CYB5D1: variants seen among roughly 807,000 people sequenced by gnomAD.
CYB5D1 encodes the protein cytochrome b5 domain-containing protein 1.
In CYB5D1, 30 loss-of-function variants were observed where a neutral mutation model predicts 24.3. The observed-to-expected ratio is 1.23, with a 90% CI of 0.92 to 1.67. The LOEUF is 1.67. CYB5D1 is among the 40% of genes most tolerant of loss of function. The pLI is 0.00. For synonymous variants in CYB5D1, 128 were observed against 123.2 expected, an observed-to-expected ratio of 1.04 and a Z score of -0.26; for missense variants, 265 against 296.7, an observed-to-expected ratio of 0.89 and a Z score of 0.79.
In CYB5D1 at chr17:7,859,871, G is replaced by T; in HGVS notation, c.*259G>T. 2.1e-6 allele frequency: 1 copy of T among 485,422 alleles called. No homozygotes were observed. Among genetic ancestry groups the T allele is most frequent in the Non-Finnish European group, 3.7e-6 (1 of 267,792 alleles). The allele number at this position is 485,422 out of a possible 1,614,324, so 30.1% of individuals were successfully genotyped here. A position where few individuals can be genotyped will look rare whatever the true frequency, so the allele number is the denominator to read the frequency against. ...CTTGGTTTAGGGAGATGTAGAAGAG[G>T]ATAGTCAGAGTTCAGGCAGAACTGT... On this transcript the variant is annotated 3_prime_UTR_variant, in exon 4 of 4. Coordinates refer to ENST00000332439, the MANE Select transcript of CYB5D1 (RefSeq NM_144607.6).
Position 7,858,181 on chromosome 17 carries a change from A to G in CYB5D1, c.47A>G (p.Gln16Arg). 6.2e-7 allele frequency: 1 copy of G among 1,613,844 alleles called. No homozygotes were observed. The highest frequency in any genetic ancestry group is 2.2e-5 in the East Asian group (1 of 44,868). Residue 16 changes from glutamine to arginine, a missense_variant, in exon 1 of 4, where the codon CAG (glutamine) becomes CGG (arginine). Physicochemically the swap from Gln to Arg is conservative, Grantham distance 43. Coordinates refer to ENST00000332439, the MANE Select transcript of CYB5D1 (RefSeq NM_144607.6). Reference protein sequence around the residue: ...LVAGPDLEYFQRRYFTPAEVA... With the variant: ...LVAGPDLEYFRRRYFTPAEVA... ...GCTGGGCCAGACTTGGAGTATTTTCAGCGTCGCTATTTCACGCCGGCGGAG... is the reference window on the plus strand; with the variant it reads ...GCTGGGCCAGACTTGGAGTATTTTCGGCGTCGCTATTTCACGCCGGCGGAG...
In CYB5D1 at chr17:7,858,643, G is replaced by A. The variant is rs772123805; in HGVS notation, c.275G>A (p.Arg92Lys). Residue 92 changes from arginine to lysine, a missense_variant, in exon 3 of 4, where the codon AGG (arginine) becomes AAG (lysine). Transcript: ENST00000332439. ...ATAGATCCGCTGACCGGCTGCCTGAGGTACTGCACCCCGCGGGGCCGCTTT... is the reference window on the plus strand; with the variant it reads ...ATAGATCCGCTGACCGGCTGCCTGAAGTACTGCACCCCGCGGGGCCGCTTT... Reference protein sequence around the residue: ...KHIDPLTGCLRYCTPRGRFVH... With the variant: ...KHIDPLTGCLKYCTPRGRFVH... 3.7e-6 allele frequency: 6 copies of A among 1,606,826 alleles called. No individual in the cohort carries two copies. The highest frequency in any genetic ancestry group is 5.1e-6 in the Non-Finnish European group (6 of 1,175,270).
Position 7,858,617 on chromosome 17 carries a change from C to T in CYB5D1, c.249C>T (p.His83=), listed in dbSNP as rs552115182. The T allele has an allele frequency of 1.1e-5, 17 of 1,605,158 alleles. No individual in the cohort carries two copies. The highest frequency in any genetic ancestry group is 1.7e-4 in the Middle Eastern group (1 of 6,014). ...FDPKTRDIRK[H]IDPLTGCLRY... is the part of the protein sequence containing the mutation. ...ACCCTCCTTTAAAGATCCGCAAGCACATAGATCCGCTGACCGGCTGCCTGA... is the reference window on the plus strand; with the variant it reads ...ACCCTCCTTTAAAGATCCGCAAGCATATAGATCCGCTGACCGGCTGCCTGA... The change falls in exon 3 of 4, where the codon CAC becomes CAT. Residue 83 remains histidine, a synonymous_variant. Transcript: ENST00000332439.
In CYB5D1 at chr17:7,859,474, G is replaced by A; in HGVS notation, c.549G>A (p.Lys183=). Residue 183 remains lysine, a synonymous_variant, in exon 4 of 4, where the codon AAG becomes AAA. Coordinates refer to ENST00000332439, the MANE Select transcript of CYB5D1 (RefSeq NM_144607.6). ...GCTACACGTGGAAATATGAAGGGAA[G>A]AACCTGAACATGGATTTTACCCTGG... ...AASYTWKYEG[K]NLNMDFTLEE... 6.2e-7 allele frequency: 1 copy of A among 1,613,556 alleles called. No individual in the cohort carries two copies. The highest frequency in any genetic ancestry group is 2.2e-5 in the East Asian group (1 of 44,888).
In CYB5D1 at chr17:7,858,290, C is replaced by G. The variant is rs1415620975; in HGVS notation, c.156C>G (p.Tyr52Ter). The G allele has an allele frequency of 6.2e-7, 1 of 1,613,992 alleles. No individual in the cohort carries two copies. Among genetic ancestry groups the G allele is most frequent in the East Asian group, 2.2e-5 (1 of 44,892 alleles). ...VYDLTSLAQE[Y>*]KGNLLLKPIV... ...ACCTAACGTCATTGGCACAGGAATA[C>G]AAGGGTAAGGGCCACACGTTGGGCC... Residue 52 changes from tyrosine to a stop codon, truncating the protein, a stop_gained, in exon 1 of 4, where the codon TAC (tyrosine) becomes TAG (stop). Coordinates refer to ENST00000332439, the MANE Select transcript of CYB5D1 (RefSeq NM_144607.6). LOFTEE classifies it high-confidence loss of function.
intron 3 of CYB5D1, 82 bp from the exon 4 acceptor site, chr17:7,859,300 A>G: frequency 2.6e-6 from 3 of 1,146,904 alleles, no homozygotes; most frequent in Non-Finnish European, 3.8e-6. Context: ...GCTATCTGCC[A>G]AGGGAGGCAC....
rs1312643997 is a variant in CYB5D1 at position 7,861,289 on chromosome 17, G to A, written c.*1677G>A. On this transcript the variant is annotated 3_prime_UTR_variant, in exon 4 of 4. Coordinates refer to ENST00000332439, the MANE Select transcript of CYB5D1 (RefSeq NM_144607.6). ...GTGGGCTATATAGGCATTTTCTGAG[G>A]GGCTTTGGGAGGCATGAACAAAGGT... 2 of 152,290 alleles carry A rather than the reference G, an allele frequency of 1.3e-5. No homozygotes were observed. Among genetic ancestry groups the A allele is most frequent in the East Asian group, 1.9e-4 (1 of 5,176 alleles). 9.4% of individuals were successfully genotyped at this position (152,290 alleles called of 1,614,324 possible). A position where few individuals can be genotyped will look rare whatever the true frequency, so the allele number is the denominator to read the frequency against.
Position 7,858,773 on chromosome 17 carries a change from C to A in CYB5D1, c.405C>A (p.Thr135=). Reference sequence around the variant, plus strand: ...AGGTGGGGCGGCTGTCTGCCAAGACCCGGAGCATCCGCATCATTAACACGC... The same window carrying A: ...AGGTGGGGCGGCTGTCTGCCAAGACACGGAGCATCCGCATCATTAACACGC... The part of the protein sequence containing the change: ...YYEVGRLSAK[T]RSIRIINTLT... The change falls in exon 3 of 4, where the codon ACC becomes ACA. Residue 135 remains threonine (T), a synonymous_variant. Coordinates refer to ENST00000332439, the MANE Select transcript of CYB5D1 (RefSeq NM_144607.6). 1 of 1,584,650 alleles carries A rather than the reference C, an allele frequency of 6.3e-7. No homozygotes were observed.
chr17:7,859,317 C>T (rs117474084), intron 3 of CYB5D1, 65 bp from the exon 4 acceptor site: 2 of 1,341,066 alleles, frequency 1.5e-6, no homozygotes, highest in East Asian at 2.4e-5. Context: ...GCACTTTGAT[C>T]CCAGCGTGTG....
Position 7,861,885 on chromosome 17 carries a change from T to C in CYB5D1, c.*2273T>C, listed in dbSNP as rs1323170676. ...TAAAGTCCTAAATTCAAAGATCTTG[T>C]ATAAATCAGGCTCATCTCGCAACAC... On this transcript the variant is annotated 3_prime_UTR_variant, in exon 4 of 4. Coordinates refer to ENST00000332439, the MANE Select transcript of CYB5D1 (RefSeq NM_144607.6). The C allele has an allele frequency of 6.6e-6, 1 of 152,246 alleles. No individual in the cohort carries two copies. The highest frequency in any genetic ancestry group is 1.9e-4 in the East Asian group (1 of 5,196). 9.4% of individuals were successfully genotyped at this position (152,246 alleles called of 1,614,324 possible). A position where few individuals can be genotyped will look rare whatever the true frequency, so the allele number is the denominator to read the frequency against.
chr17:7,858,152 G>A lies in CYB5D1; in HGVS notation c.18G>A (p.Leu6=), dbSNP rs752656466. MPRRG[L]VAGPDLEYFQ... is the part of the protein sequence containing the mutation. ...CAAGAGCCATGCCGCGCCGGGGCCT[G>A]GTGGCTGGGCCAGACTTGGAGTATT... The change falls in exon 1 of 4, where the codon CTG becomes CTA. Residue 6 remains leucine, a synonymous_variant. Coordinates refer to ENST00000332439, the MANE Select transcript of CYB5D1 (RefSeq NM_144607.6). The A allele has an allele frequency of 9.3e-6, 15 of 1,613,552 alleles. No individual in the cohort carries two copies. Among genetic ancestry groups the A allele is most frequent in the Admixed American group, 1.7e-5 (1 of 60,008 alleles).
At position 7,859,804 on chromosome 17, in the gene CYB5D1, T is replaced by C. The variant is rs2078869594; in HGVS notation, c.*192T>C. 6.8e-6 allele frequency: 4 copies of C among 586,740 alleles called. No homozygotes were observed. The highest frequency in any genetic ancestry group is 4.1e-5 in the South Asian group (2 of 49,366). The allele number at this position is 586,740 out of a possible 1,614,324, so 36.3% of individuals were successfully genotyped here. A position where few individuals can be genotyped will look rare whatever the true frequency, so the allele number is the denominator to read the frequency against. On this transcript the variant is annotated 3_prime_UTR_variant, in exon 4 of 4. Coordinates refer to ENST00000332439, the MANE Select transcript of CYB5D1 (RefSeq NM_144607.6). ...TCATTACAGTTTGCTCTGAGAAAAT[T>C]AGTGAATTAATCTTTGGGAATGATA...
In CYB5D1 at chr17:7,858,063, G is replaced by T; in HGVS notation, c.-72G>T. 1.3e-6 allele frequency: 2 copies of T among 1,579,666 alleles called. No homozygotes were observed. Among genetic ancestry groups the T allele is most frequent in the Non-Finnish European group, 1.7e-6 (2 of 1,162,668 alleles). On this transcript the variant is annotated 5_prime_UTR_variant, in exon 1 of 4. Coordinates refer to ENST00000332439, the MANE Select transcript of CYB5D1 (RefSeq NM_144607.6). ...TCGGCTCCCGGACGCGACGGAGGTC[G>T]TAGTAGTAGTGAGTACGTGCTGAGG...
chr17:7,858,061 T>A lies in CYB5D1; in HGVS notation c.-74T>A. On this transcript the variant is annotated 5_prime_UTR_variant, in exon 1 of 4. Coordinates refer to ENST00000332439, the MANE Select transcript of CYB5D1 (RefSeq NM_144607.6). ...CCTCGGCTCCCGGACGCGACGGAGGTCGTAGTAGTAGTGAGTACGTGCTGA... is the reference window on the plus strand; with the variant it reads ...CCTCGGCTCCCGGACGCGACGGAGGACGTAGTAGTAGTGAGTACGTGCTGA... 1 of 1,572,784 alleles carries A rather than the reference T, an allele frequency of 6.4e-7. No individual in the cohort carries two copies. Among genetic ancestry groups the A allele is most frequent in the South Asian group, 1.1e-5 (1 of 88,088 alleles).
At position 7,859,582 on chromosome 17, in the gene CYB5D1, G is replaced by A. The variant is rs200846482; in HGVS notation, c.657G>A (p.Leu219=). 36 of 1,614,018 alleles carry A rather than the reference G, an allele frequency of 2.2e-5. No homozygotes were observed. Among genetic ancestry groups the A allele is most frequent in the Non-Finnish European group, 2.9e-5 (34 of 1,180,028 alleles). Residue 219 remains leucine (L), a synonymous_variant, in exon 4 of 4, where the codon CTG becomes CTA. Transcript: ENST00000332439. ...CACTTCACACACCTGCAATACTTCT[G>A]TACTTCAATGATGATCTCACGGAGT... The part of the protein sequence containing the change: ...DGTLHTPAIL[L]YFNDDLTEL
rs1332413550 is a variant in CYB5D1 at position 7,862,188 on chromosome 17, C to G, written c.*2576C>G. The G allele has an allele frequency of 6.6e-6, 1 of 152,158 alleles. No homozygotes were observed. The highest frequency in any genetic ancestry group is 1.5e-5 in the Non-Finnish European group (1 of 68,026). The allele number at this position is 152,158 out of a possible 1,614,324, so 9.4% of individuals were successfully genotyped here. ...TGGCTGCGCTGCTAGATTGTAAGCT[C>G]ACGAGGGCAGAGATCTTGTTCACAT... On this transcript the variant is annotated 3_prime_UTR_variant, in exon 4 of 4. Coordinates refer to ENST00000332439, the MANE Select transcript of CYB5D1 (RefSeq NM_144607.6).
At position 7,858,802 on chromosome 17, in the gene CYB5D1, C is replaced by T. The variant is rs537046156; in HGVS notation, c.434C>T (p.Thr145Met). The T allele has an allele frequency of 1.3e-6, 2 of 1,560,200 alleles. No homozygotes were observed. Among genetic ancestry groups the T allele is most frequent in the African/African-American group, 1.4e-5 (1 of 73,594 alleles). ...TRSIRIINTL[T>M]SQEHTLEVGV... ...AGCATCCGCATCATTAACACGCTCACGTCGCAGGAGCACACACTGGAGGTG... is the reference window on the plus strand; with the variant it reads ...AGCATCCGCATCATTAACACGCTCATGTCGCAGGAGCACACACTGGAGGTG... Residue 145 changes from threonine (T) to methionine (M), a missense_variant, in exon 3 of 4, where the codon ACG becomes ATG. Physicochemically the swap from Thr to Met is moderately conservative, Grantham distance 81. Transcript: ENST00000332439.
At chr17:7,858,923 A>T in intron 3 of CYB5D1, 99 bp downstream of exon 3, 1 of 1,158,238 alleles carries the variant, frequency 8.6e-7, no homozygotes. Context: ...AACCGGTGGG[A>T]GTGTATTTTC....
chr17:7,858,240 G>T lies in CYB5D1; in HGVS notation c.106G>T (p.Val36Leu). ...AQHNRPEDLWVSYLGRVYDLT... is the reference protein window; with the variant it reads ...AQHNRPEDLWLSYLGRVYDLT... The stretch of plus-strand genomic sequence containing the variant: ...ACATAACAGGCCCGAAGACCTCTGG[G>T]TATCTTACCTGGGACGCGTGTACGA... The change falls in exon 1 of 4, where the codon GTA becomes TTA. Residue 36 changes from valine to leucine, a missense_variant. Transcript: ENST00000332439. 6.2e-7 allele frequency: 1 copy of T among 1,614,050 alleles called. No individual in the cohort carries two copies. Among genetic ancestry groups the T allele is most frequent in the Non-Finnish European group, 8.5e-7 (1 of 1,180,032 alleles).
Sources: gnomAD v4.1 joint callset for allele counts on GRCh38, gnomAD v4.1.1 for gene constraint, MANE v1.5 for transcripts, NCBI Gene and HGNC (gene_info 2026-07-23, HGNC 2026-07-21) for gene names.